The following LRRC4C variants were observed in gnomAD, a reference collection of about 807,000 sequenced individuals.
The protein encoded by LRRC4C is leucine-rich repeat-containing protein 4C.
In LRRC4C, 5 loss-of-function variants were observed where a neutral mutation model predicts 33.6. That is an observed-to-expected ratio of 0.15 (90% CI 0.08 to 0.31). The LOEUF (loss-of-function observed/expected upper bound fraction) is 0.31, where lower values mean the gene tolerates loss of function less well. Among genes scored for constraint, LRRC4C ranks in the 10% least tolerant of loss-of-function variants. The pLI is 1.00. For synonymous variants in LRRC4C, 329 were observed against 302.0 expected (o/e 1.09, Z -0.93); for missense variants, 560 against 796.7 (o/e 0.70, Z 3.58).
chr11:41,134,347 T>C (rs10444280), intron 1 of LRRC4C, among the ~76,000 whole-genome samples: 31,120 of 152,094 alleles, frequency 0.2, 3,674 homozygotes, highest in Admixed American at 0.39. Flanking sequence ...CAAGCAATTC[T>C]ACCACCTCAG....
At chr11:40,658,020 C>T (rs1318219490) in intron 2 of LRRC4C, among the ~76,000 whole-genome samples, 1 of 152,202 alleles carries the variant, frequency 6.6e-6, no homozygotes, top group African/African-American at 2.4e-5. Context: ...CTTAGTTGCA[C>T]CCAATCTCTG....
chr11:40,320,107 T>A (rs962473494), intron 3 of LRRC4C, among the ~76,000 whole-genome samples: 5 of 152,148 alleles, frequency 3.3e-5, no homozygotes. Flanking sequence ...TGTACATAAA[T>A]TTAAAAGACT....
At chr11:41,267,189 A>G (rs545036176) in intron 1 of LRRC4C, among the ~76,000 whole-genome samples, 8 of 152,134 alleles carry the variant, frequency 5.3e-5, no homozygotes, top group African/African-American at 1.7e-4. Flanking sequence ...GTAGTTTATC[A>G]GTACATATTT....
intron 1 of LRRC4C, among the ~76,000 whole-genome samples, chr11:41,414,826 AAAAAAG>A (rs906431074): frequency 1.2e-4 from 18 of 152,138 alleles, no homozygotes; most frequent in Non-Finnish European, 1.8e-4. Context: ...TGGTACTCTA[AAAAAAG>A]AAAAAGAAAA....
intron 3 of LRRC4C, among the ~76,000 whole-genome samples, chr11:40,644,754 G>C (rs1942336909): frequency 6.6e-6 from 1 of 152,174 alleles, no homozygotes; most frequent in African/African-American, 2.4e-5. Flanking sequence ...CAGTGTTTAA[G>C]GGGGAAGTTA....
At chr11:41,399,694 A>G (rs1372349993) in intron 1 of LRRC4C, among the ~76,000 whole-genome samples, 1 of 151,950 alleles carries the variant, frequency 6.6e-6, no homozygotes, top group Non-Finnish European at 1.5e-5. Flanking sequence ...TTTCACACTA[A>G]GGATTTTTTT....
chr11:41,015,282 C>T (rs1337655390), intron 1 of LRRC4C, among the ~76,000 whole-genome samples: 1 of 151,886 alleles, frequency 6.6e-6, no homozygotes, highest in African/African-American at 2.4e-5. Flanking sequence ...ATTGAAAGAC[C>T]TTTTTATACA....
intron 1 of LRRC4C, among the ~76,000 whole-genome samples, chr11:40,939,584 G>C (rs1036142322): frequency 2.6e-5 from 4 of 152,128 alleles, no homozygotes; most frequent in African/African-American, 9.7e-5. Context: ...GGATTCACCA[G>C]AAACTAGACA....
chr11:41,367,858 A>C (rs927356459), intron 1 of LRRC4C, among the ~76,000 whole-genome samples: 2 of 150,854 alleles, frequency 1.3e-5, no homozygotes, highest in Admixed American at 6.6e-5. Flanking sequence ...ATTTGCCTTA[A>C]TGATTCATAA....
intron 1 of LRRC4C, among the ~76,000 whole-genome samples, chr11:41,373,299 T>C (rs1952821252): frequency 6.6e-6 from 1 of 152,192 alleles, no homozygotes; most frequent in South Asian, 2.1e-4. Context: ...CTACGTTTAG[T>C]TGTGTGTTTA....
At chr11:40,680,767 C>T (rs901512605) in intron 2 of LRRC4C, among the ~76,000 whole-genome samples, 8 of 152,066 alleles carry the variant, frequency 5.3e-5, no homozygotes, top group African/African-American at 1.4e-4. Flanking sequence ...TCTTTATCAG[C>T]GTGAAAATGG....
At chr11:40,575,922 T>C (rs1438691477) in intron 3 of LRRC4C, among the ~76,000 whole-genome samples, 1 of 152,216 alleles carries the variant, frequency 6.6e-6, no homozygotes, top group African/African-American at 2.4e-5. Context: ...TTCAATCTAA[T>C]GTAATGGTTA....
intron 1 of LRRC4C, among the ~76,000 whole-genome samples, chr11:41,045,641 T>G (rs1857728498): frequency 6.6e-6 from 1 of 152,096 alleles, no homozygotes; most frequent in Admixed American, 6.6e-5. Context: ...ACTAAACATC[T>G]CAATAAGGTA....
intron 5 of LRRC4C, among the ~76,000 whole-genome samples, chr11:40,205,398 A>C (rs1863070707): frequency 1.3e-5 from 2 of 152,216 alleles, no homozygotes; most frequent in Non-Finnish European, 2.9e-5. Context: ...AAGGATACCA[A>C]GACTTGGTAC....
intron 1 of LRRC4C, among the ~76,000 whole-genome samples, chr11:41,043,262 T>C (rs1044132528): frequency 3.3e-5 from 5 of 152,066 alleles, no homozygotes; most frequent in Admixed American, 6.6e-5. Context: ...TCAAATCCCC[T>C]TGGCTCTTGC....
chr11:40,215,577 T>C (rs1030560356), intron 5 of LRRC4C, among the ~76,000 whole-genome samples: 1 of 152,214 alleles, frequency 6.6e-6, no homozygotes, highest in African/African-American at 2.4e-5. Flanking sequence ...GTTGTCCAGA[T>C]AGCCCTTGGT....
intron 1 of LRRC4C, among the ~76,000 whole-genome samples, chr11:41,186,428 G>T (rs932947248): frequency 6.6e-6 from 1 of 151,944 alleles, no homozygotes; most frequent in African/African-American, 2.4e-5. Flanking sequence ...CTGTCTAAAA[G>T]TTAATATAAA....
intron 3 of LRRC4C, among the ~76,000 whole-genome samples, chr11:40,475,035 A>G (rs1265406018): frequency 1.3e-5 from 2 of 152,298 alleles, no homozygotes; most frequent in African/African-American, 4.8e-5. Flanking sequence ...ATTGTGGAAG[A>G]CAGTATGGCA....
At chr11:40,286,790 T>G (rs1232911739) in intron 4 of LRRC4C, among the ~76,000 whole-genome samples, 1 of 152,180 alleles carries the variant, frequency 6.6e-6, no homozygotes, top group East Asian at 1.9e-4. Flanking sequence ...ATTGACAAAT[T>G]TAGGGGCCCC....
Sources: gnomAD v4.1 joint callset for allele counts (sites outside exome capture counted in the v4.1 genomes callset) on GRCh38, gnomAD v4.1.1 for gene constraint, MANE v1.5 for transcripts, NCBI Gene and HGNC (gene_info 2026-07-23, HGNC 2026-07-21) for gene names.